Variants in POLG observed in about 807,000 individuals in gnomAD.
POLG encodes DNA polymerase subunit gamma-1.
In POLG, 110 loss-of-function variants were observed where a neutral mutation model predicts 155.4. The ratio of observed to expected loss-of-function variants is 0.71; its 90% CI spans 0.61 to 0.83. The LOEUF is 0.83. POLG is among the 40% of genes least tolerant of loss of function. The pLI, the probability that POLG is intolerant of heterozygous loss-of-function variation, is 0.00. For missense variants in POLG, 1,685 were observed against 1,627.5 expected, an observed-to-expected ratio of 1.04 and a Z score of -0.61; for synonymous variants, 701 against 631.5, an observed-to-expected ratio of 1.11 and a Z score of -1.65.
At chr15:89,324,344 G>C in intron 10 of POLG, 117 bp from the exon 11 acceptor site, 1 of 1,186,986 alleles carries the variant, frequency 8.4e-7, no homozygotes, top group Non-Finnish European at 1.2e-6. Flanking sequence ...TCAGCTCTGA[G>C]GCAGAACCAG....
At position 89,324,127 on chromosome 15, in the gene POLG, T is replaced by G. The variant is rs772035848; in HGVS notation, c.2050A>C (p.Asn684His). The G allele has an allele frequency of 6.8e-6, 11 of 1,613,930 alleles. No homozygotes were observed. The African/African-American group carries it at 1.5e-4, about 22-fold the overall frequency. ...CTCACCGTTTGCCATATGGCACTAT[T>G]GTCAGTGAGCAGGAACTCCTCCGCC... ...GLAEEFLLTD[N>H]SAIWQTVEEL... The change falls in exon 11 of 23, where the codon AAT becomes CAT. Residue 684 changes from asparagine to histidine, a missense_variant. Transcript: ENST00000268124.
intron 1 of POLG, 21 bp from the exon 2 acceptor site, chr15:89,333,934 A>C (rs2055635247): frequency 1.5e-6 from 1 of 673,814 alleles, no homozygotes; most frequent in Non-Finnish European, 2.5e-6. Context: ...CAGATGATAT[A>C]AAGCGTTATT....
Position 89,328,735 on chromosome 15 carries a change from G to A in POLG, c.1120C>T (p.Arg374Ter), listed in dbSNP as rs960142425. The A allele has an allele frequency of 2.5e-6, 4 of 1,613,996 alleles. No individual in the cohort carries two copies. The highest frequency in any genetic ancestry group is 2.2e-5 in the East Asian group (1 of 44,896). Residue 374 changes from arginine to a stop codon, truncating the protein, a stop_gained, in exon 5 of 23, where the codon CGA (arginine) becomes TGA (stop). Transcript: ENST00000268124. LOFTEE classifies it high-confidence loss of function. The part of the protein sequence containing the change: ...VGGPPLEKEP[R>*]ELFVKGTMKD... The stretch of plus-strand genomic sequence containing the variant: ...ATGGTGCCCTTCACAAACAGTTCTC[G>A]AGGCTCCTTCTCTAAGGGAGGCCCC...
chr15:89,323,963 C>A lies in POLG; in HGVS notation c.2071-62G>T, dbSNP rs2307435. ...GACTGGGTAGGCCCCAATCCACCAG[C>A]CCCTCCCTGCATGGTACTCAGACAC... On this transcript the variant is annotated intron_variant, in intron 11 of 22. Transcript: ENST00000268124. 4.9e-4 allele frequency: 744 copies of A among 1,532,718 alleles called. 6 individuals are homozygous for A. In the African/African-American group the frequency reaches 9.2e-3, roughly 19 times the overall value. The allele number at this position is 1,532,718 out of a possible 1,614,324, so 94.9% of individuals were successfully genotyped here.
chr15:89,317,404 C>T lies in POLG; in HGVS notation c.3615G>A (p.Gly1205=), dbSNP rs2152056181. The change falls in exon 22 of 23, where the codon GGG becomes GGA. Residue 1205 remains glycine (G), a synonymous_variant. Coordinates refer to ENST00000268124, the MANE Select transcript of POLG (RefSeq NM_002693.3). ...MDCKTPSNPT[G]MERRYGIPQG... ...GGGGAATCCCGTATCTCCTTTCCAT[C>T]CCAGTTGGGTTGGAAGGGGTTTTAC... 2 of 1,614,160 alleles carry T rather than the reference C, an allele frequency of 1.2e-6. No individual in the cohort carries two copies. Among genetic ancestry groups the T allele is most frequent in the Non-Finnish European group, 1.7e-6 (2 of 1,180,018 alleles).
At chr15:89,317,092 G>A (rs1483516504) in intron 22 of POLG, 6 of 590,856 alleles carry the variant, frequency 1.0e-5, no homozygotes, top group Non-Finnish European at 1.8e-5. Context: ...CCTATAGAGT[G>A]CAAGAATGCA....
At chr15:89,318,783 C>T (rs1219468154) in intron 20 of POLG, 34 bp from the exon 21 acceptor site, 1 of 1,588,402 alleles carries the variant, frequency 6.3e-7, no homozygotes. Flanking sequence ...GTGAAAGGGG[C>T]TATGCTACAT....
chr15:89,320,699 G>A, intron 18 of POLG, 67 bp downstream of exon 18: 2 of 1,572,210 alleles, frequency 1.3e-6, no homozygotes, highest in East Asian at 2.2e-5. Context: ...ACAGATGGTA[G>A]TACTAAAGGA....
At chr15:89,322,154 G>A (rs1216900709) in intron 14 of POLG, 139 bp from the exon 15 acceptor site, 3 of 842,292 alleles carry the variant, frequency 3.6e-6, no homozygotes, top group East Asian at 2.6e-5. Context: ...CTCAAGGTGA[G>A]CCCTGGCTCA....
chr15:89,323,709 C>G (rs766623222), intron 12 of POLG, 106 bp downstream of exon 12: 2 of 1,020,584 alleles, frequency 2.0e-6, no homozygotes, highest in African/African-American at 1.6e-5. Context: ...GCATCTCCAA[C>G]CCCCTTAAGA....
rs752021570 is a variant in POLG, at chr15:89,326,946, C to T, written c.1551G>A (p.Gly517=). Residue 517 remains glycine (G), a synonymous_variant, in exon 8 of 23, where the codon GGG becomes GGA. Coordinates refer to ENST00000268124, the MANE Select transcript of POLG (RefSeq NM_002693.3). ...PATASKLPIE[G]AGAPGDPMDQ... ...CCATGGGATCACCAGGGGCCCCAGCCCCCTCGATGGGCAACTTGCTGGCTG... is the reference window on the plus strand; with the variant it reads ...CCATGGGATCACCAGGGGCCCCAGCTCCCTCGATGGGCAACTTGCTGGCTG... 1 of 1,614,220 alleles carries T rather than the reference C, an allele frequency of 6.2e-7. No individual in the cohort carries two copies.
At chr15:89,323,083 G>A (rs780391632) in intron 13 of POLG, among the ~76,000 whole-genome samples, 181 bp from the exon 14 acceptor site, 27 of 152,166 alleles carry the variant, frequency 1.8e-4, no homozygotes, top group Admixed American at 3.3e-4. Flanking sequence ...GCACACACAT[G>A]CCCCCTAAGA....
At chr15:89,325,103 AGTGAGAGAGAGT>A (rs1596355812) in intron 10 of POLG, among the ~76,000 whole-genome samples, 2 of 77,548 alleles carry the variant, frequency 2.6e-5, no homozygotes, top group African/African-American at 2.0e-4. Flanking sequence ...TGAGTGAGAG[AGTGAGAGAGAGT>A]GAGTGAGTGA....
chr15:89,323,290 C>A, intron 13 of POLG, 114 bp downstream of exon 13: 2 of 735,668 alleles, frequency 2.7e-6, no homozygotes, highest in South Asian at 3.0e-5. Flanking sequence ...CTCTGTCCCA[C>A]TACTAGTCAT....
At chr15:89,325,399 G>T (rs774053485) in intron 10 of POLG, 51 bp downstream of exon 10, 47 of 1,326,880 alleles carry the variant, frequency 3.5e-5, no homozygotes, top group Non-Finnish European at 4.7e-5. Flanking sequence ...ACCAGCCAGG[G>T]GAAGGGGTCC....
intron 21 of POLG, 38 bp from the exon 22 acceptor site, chr15:89,317,574 T>G (rs373776475): frequency 3.0e-5 from 48 of 1,599,164 alleles, no homozygotes; most frequent in Non-Finnish European, 4.0e-5. Flanking sequence ...GTCATGCCCC[T>G]CCTGTGAACA....
chr15:89,327,767 A>AC (rs966196018), intron 6 of POLG, among the ~76,000 whole-genome samples: 130 of 152,224 alleles, frequency 8.5e-4, no homozygotes, highest in African/African-American at 3.0e-3. Context: ...GTTCACTTAC[A>AC]CATTTATTTT....
chr15:89,326,440 G>T (rs185456242), intron 9 of POLG, among the ~76,000 whole-genome samples, 172 bp downstream of exon 9: 1 of 152,194 alleles, frequency 6.6e-6, no homozygotes, highest in Non-Finnish European at 1.5e-5. Flanking sequence ...CCAGTGAGCC[G>T]GTCCAGAGTG....
rs137920010 is a variant in POLG at position 89,332,935 on chromosome 15, A to G, written c.659+161T>C. On this transcript the variant is annotated intron_variant, in intron 2 of 22. Coordinates refer to ENST00000268124, the MANE Select transcript of POLG (RefSeq NM_002693.3). ...ACTGCCTGTGATCTTCCCACCAGAA[A>G]GTGAGTCCCACATAAACAGGGGTCT... 2.2e-4 allele frequency among the ~76,000 whole-genome samples: 33 copies of G among 152,300 alleles called. No homozygotes were observed. The South Asian group carries it at 6.6e-3, about 31-fold the overall frequency.
Sources: allele counts gnomAD v4.1 joint callset (sites outside exome capture counted in the v4.1 genomes callset), GRCh38; gene constraint gnomAD v4.1.1; transcripts MANE v1.5; gene names NCBI Gene and HGNC (gene_info 2026-07-23, HGNC 2026-07-21).